ZNF385D: variants seen among roughly 807,000 people sequenced by gnomAD.
ZNF385D encodes zinc finger protein 659.
In ZNF385D, 15 loss-of-function variants were observed where a neutral mutation model predicts 35.8. The ratio of observed to expected loss-of-function variants is 0.42; its 90% CI spans 0.28 to 0.64. ZNF385D has a LOEUF of 0.64. Among genes scored for constraint, ZNF385D ranks in the 30% least tolerant of loss-of-function variants. ZNF385D has a pLI of 0.23. For missense variants in ZNF385D, 474 were observed against 494.6 expected, an observed-to-expected ratio of 0.96 and a Z score of 0.39; for synonymous variants, 212 against 186.8, an observed-to-expected ratio of 1.13 and a Z score of -1.10.
intron 3 of ZNF385D, among the ~76,000 whole-genome samples, chr3:22,012,237 T>C (rs1696621721): frequency 6.6e-6 from 1 of 152,160 alleles, no homozygotes; most frequent in Non-Finnish European, 1.5e-5. Context: ...TTAAGAATTA[T>C]TGCATAATGT....
At chr3:21,717,043 G>A (rs1365013569) in intron 1 of ZNF385D, among the ~76,000 whole-genome samples, 1 of 152,162 alleles carries the variant, frequency 6.6e-6, no homozygotes, top group East Asian at 1.9e-4. Context: ...TGAGGCAGGA[G>A]AATCGCTTGA....
Position 22,148,864 on chromosome 3 carries a change from T to C in ZNF385D, c.325+19953A>G, listed in dbSNP as rs556828823. On this transcript the variant is annotated intron_variant, in intron 3 of 5. Coordinates refer to the ZNF385D transcript ENST00000494108. ...TATTAAATTGCTTCCTAAAGAAAGATAGACGAAACCTACATACAACTCAAG... is the reference window on the plus strand; with the variant it reads ...TATTAAATTGCTTCCTAAAGAAAGACAGACGAAACCTACATACAACTCAAG... Among the ~76,000 whole-genome samples, 27 of 152,304 alleles carry C rather than the reference T, an allele frequency of 1.8e-4. 1 individual carries two copies. The highest frequency in any genetic ancestry group is 6.3e-4 in the African/African-American group (26 of 41,568).
At chr3:22,300,451 C>G (rs1001246292) in intron 2 of ZNF385D, among the ~76,000 whole-genome samples, 1 of 150,662 alleles carries the variant, frequency 6.6e-6, no homozygotes, top group South Asian at 2.1e-4. Flanking sequence ...GAGATGATAT[C>G]AAAGTAAAAT....
intron 3 of ZNF385D, among the ~76,000 whole-genome samples, chr3:21,989,522 A>T (rs544864622): frequency 7.1e-4 from 108 of 152,302 alleles, no homozygotes; most frequent in African/African-American, 2.5e-3. Flanking sequence ...CTCAAAAGGT[A>T]TGTCAGTTTT....
At chr3:22,245,067 A>C (rs567940017) in intron 2 of ZNF385D, among the ~76,000 whole-genome samples, 2 of 152,184 alleles carry the variant, frequency 1.3e-5, no homozygotes, top group African/African-American at 4.8e-5. Flanking sequence ...TCTATGCTGT[A>C]TAAGTCTTCA....
At chr3:21,593,303 T>C (rs2064035643) in intron 2 of ZNF385D, among the ~76,000 whole-genome samples, 1 of 152,162 alleles carries the variant, frequency 6.6e-6, no homozygotes, top group Non-Finnish European at 1.5e-5. Flanking sequence ...AGACTGCCTT[T>C]AGCAGTTATT....
chr3:22,016,489 T>C (rs1365099866), intron 3 of ZNF385D, among the ~76,000 whole-genome samples: 1 of 152,092 alleles, frequency 6.6e-6, no homozygotes, highest in African/African-American at 2.4e-5. Context: ...CACTGTCTCT[T>C]TGAGATTAGG....
At chr3:22,230,276 T>C (rs1343159299) in intron 2 of ZNF385D, among the ~76,000 whole-genome samples, 1 of 152,166 alleles carries the variant, frequency 6.6e-6, no homozygotes, top group African/African-American at 2.4e-5. Flanking sequence ...TATTTTACAA[T>C]TGGATTTATC....
chr3:21,950,156 A>C (rs1701994925), intron 3 of ZNF385D, among the ~76,000 whole-genome samples: 1 of 151,750 alleles, frequency 6.6e-6, no homozygotes, highest in South Asian at 2.1e-4. Context: ...TGGTTGAACT[A>C]ATTTACACTC....
intron 3 of ZNF385D, among the ~76,000 whole-genome samples, chr3:21,757,291 T>A (rs1018547951): frequency 1.3e-5 from 2 of 151,856 alleles, no homozygotes; most frequent in Admixed American, 1.3e-4. Flanking sequence ...TACAGGAGCA[T>A]GCCACCATGC....
chr3:22,162,587 C>A (rs1014985879), intron 3 of ZNF385D, among the ~76,000 whole-genome samples: 1 of 152,144 alleles, frequency 6.6e-6, no homozygotes, highest in East Asian at 1.9e-4. Flanking sequence ...ACCTGCCATG[C>A]TTTCCTTCCC....
chr3:21,967,639 G>A (rs1038270049), intron 3 of ZNF385D, among the ~76,000 whole-genome samples: 1 of 152,168 alleles, frequency 6.6e-6, no homozygotes, highest in Non-Finnish European at 1.5e-5. Flanking sequence ...ATATGACTAA[G>A]CTAGTTAGAG....
intron 3 of ZNF385D, among the ~76,000 whole-genome samples, chr3:21,767,326 TCTTTCTCCTTTTAGCTCA>T (rs2070873047): frequency 1.3e-5 from 2 of 151,902 alleles, no homozygotes; most frequent in Non-Finnish European, 2.9e-5. Flanking sequence ...TTTTACTCAT[TCTTTCTCCTTTTAGCTCA>T]ACTGCCACTT....
At chr3:21,890,881 T>C (rs259527) in intron 3 of ZNF385D, among the ~76,000 whole-genome samples, 32,895 of 152,060 alleles carry the variant, frequency 0.22, 3,805 homozygotes, top group South Asian at 0.36. Flanking sequence ...TCAAACCACA[T>C]TGGTTGTACG....
At chr3:22,194,705 T>C (rs1052835285) in intron 2 of ZNF385D, among the ~76,000 whole-genome samples, 1 of 151,934 alleles carries the variant, frequency 6.6e-6, no homozygotes, top group African/African-American at 2.4e-5. Flanking sequence ...ATCTGTTCTA[T>C]GTCATTCGTT....
At chr3:21,496,411 T>TCA in intron 4 of ZNF385D, among the ~76,000 whole-genome samples, 1 of 146,018 alleles carries the variant, frequency 6.8e-6, no homozygotes, top group African/African-American at 2.5e-5. Flanking sequence ...CACACATATA[T>TCA]TTGATATATA....
At chr3:21,842,393 C>T (rs1179159661) in intron 3 of ZNF385D, among the ~76,000 whole-genome samples, 2 of 151,910 alleles carry the variant, frequency 1.3e-5, no homozygotes, top group African/African-American at 4.8e-5. Context: ...AGATCTGATT[C>T]CTATTGCCTA....
chr3:21,470,178 T>A (rs957979655), intron 4 of ZNF385D, among the ~76,000 whole-genome samples: 6 of 152,198 alleles, frequency 3.9e-5, no homozygotes, highest in Non-Finnish European at 8.8e-5. Context: ...CTTTGCCTAG[T>A]GCAGTGCCTC....
intron 5 of ZNF385D, among the ~76,000 whole-genome samples, chr3:21,428,954 C>CTTTTT (rs1701156999): frequency 1.3e-4 from 8 of 63,342 alleles, no homozygotes; most frequent in Admixed American, 1.8e-4. Flanking sequence ...TTGCTTTCTG[C>CTTTTT]TTAATTGTTC....
Sources: allele counts gnomAD v4.1 joint callset (sites outside exome capture counted in the v4.1 genomes callset), GRCh38; gene constraint gnomAD v4.1.1; transcripts MANE v1.5; gene names NCBI Gene and HGNC (gene_info 2026-07-23, HGNC 2026-07-21).